The following PLSCR5 variants were observed in gnomAD, a reference collection of about 807,000 sequenced individuals.
PLSCR5 encodes phospholipid scramblase family, member 5.
PLSCR5 carries 44 observed loss-of-function variants against 33.6 expected under a neutral mutation model. That is an observed-to-expected ratio of 1.31 (90% CI 1.03 to 1.69). The LOEUF is 1.69. Among genes scored for constraint, PLSCR5 ranks in the 40% most tolerant of loss-of-function variants. The pLI, the probability that PLSCR5 is intolerant of heterozygous loss-of-function variation, is 0.00. For missense variants in PLSCR5, 375 were observed against 318.7 expected (o/e 1.18, Z -1.34); for synonymous variants, 148 against 112.3 (o/e 1.32, Z -2.01).
At chr3:146,605,176 T>A (rs779488655) in intron 1 of PLSCR5, 24 bp downstream of exon 1, 1 of 1,599,436 alleles carries the variant, frequency 6.3e-7, no homozygotes, top group South Asian at 1.1e-5. Flanking sequence ...GAAAAAGTTA[T>A]TAGTTGGTTA....
At chr3:146,592,428 T>G (rs1333406048) in intron 4 of PLSCR5, among the ~76,000 whole-genome samples, 1 of 152,160 alleles carries the variant, frequency 6.6e-6, no homozygotes, top group Non-Finnish European at 1.5e-5. Context: ...GCTTCCAAAG[T>G]GTTCGAGACT....
chr3:146,582,707 C>A (rs1342534946), downstream of PLSCR5, among the ~76,000 whole-genome samples: 1 of 152,064 alleles, frequency 6.6e-6, no homozygotes, highest in Admixed American at 6.6e-5. Flanking sequence ...CTCTATAAAT[C>A]TAATGAAAGG....
rs375086007 is a variant in PLSCR5, at chr3:146,593,944, G to A, written c.429C>T (p.Cys143=). ...TVNRPLRCNS[C]WCPCYLQELE... Reference sequence around the variant, plus strand: ...CCTCTTGTAGGTAGCAAGGGCACCAGCAGCTGTTACATCTCAAGGGCCTGT... The same window carrying A: ...CCTCTTGTAGGTAGCAAGGGCACCAACAGCTGTTACATCTCAAGGGCCTGT... Residue 143 remains cysteine (C), a synonymous_variant, in exon 4 of 8, where the codon TGC becomes TGT. Coordinates refer to ENST00000443512, the MANE Select transcript of PLSCR5 (RefSeq NM_001085420.2). 1 of 1,613,716 alleles carries A rather than the reference G, an allele frequency of 6.2e-7. No homozygotes were observed. The highest frequency in any genetic ancestry group is 8.5e-7 in the Non-Finnish European group (1 of 1,179,706).
chr3:146,582,428 C>T (rs163752), downstream of PLSCR5, among the ~76,000 whole-genome samples: 60,446 of 151,970 alleles, frequency 0.4, 12,173 homozygotes, highest in East Asian at 0.57. Flanking sequence ...AGTGGAGCTA[C>T]CAGAAATTTG....
rs574985154 is a variant in PLSCR5, at chr3:146,588,536, C to T, written c.777+1117G>A. Among the ~76,000 whole-genome samples the T allele has an allele frequency of 9.2e-4, 140 of 151,706 alleles. 1 individual carries two copies. The highest frequency in any genetic ancestry group is 4.0e-3 in the Admixed American group (61 of 15,226). Reference sequence around the variant, plus strand: ...ATGTCATGAGACTCAGGGAAATGCACATGCATGTGCACATGTTCATGCACA... The same window carrying T: ...ATGTCATGAGACTCAGGGAAATGCATATGCATGTGCACATGTTCATGCACA... On this transcript the variant is annotated intron_variant, in intron 6 of 7. Transcript: ENST00000443512.
intron 7 of PLSCR5, among the ~76,000 whole-genome samples, chr3:146,579,621 T>C (rs1036061329): frequency 6.6e-6 from 1 of 152,236 alleles, no homozygotes; most frequent in Admixed American, 6.5e-5. Context: ...CCAGATATTA[T>C]GGCTTCGGAA....
At chr3:146,595,362 A>G (rs1365137352) in intron 2 of PLSCR5, among the ~76,000 whole-genome samples, 1 of 152,230 alleles carries the variant, frequency 6.6e-6, no homozygotes, top group Non-Finnish European at 1.5e-5. Flanking sequence ...TCATGCCTAT[A>G]AATCCAGTAC....
chr3:146,594,467 T>C (rs1019751597), intron 3 of PLSCR5, among the ~76,000 whole-genome samples: 1 of 152,150 alleles, frequency 6.6e-6, no homozygotes, highest in Admixed American at 6.5e-5. Context: ...ATTATTGTTA[T>C]AGAACTATTG....
chr3:146,603,610 T>G (rs1482724683), intron 1 of PLSCR5, among the ~76,000 whole-genome samples: 2 of 152,146 alleles, frequency 1.3e-5, no homozygotes, highest in African/African-American at 4.8e-5. Flanking sequence ...CTTCAAAGAC[T>G]CAGACAACCA....
At chr3:146,600,886 A>G (rs1428005129) in intron 1 of PLSCR5, among the ~76,000 whole-genome samples, 1 of 148,498 alleles carries the variant, frequency 6.7e-6, no homozygotes, top group Non-Finnish European at 1.5e-5. Flanking sequence ...TATATATTAT[A>G]TAACTATATA....
At chr3:146,583,650 A>T (rs939195791), downstream of PLSCR5, among the ~76,000 whole-genome samples, 1 of 152,238 alleles carries the variant, frequency 6.6e-6, no homozygotes, top group Admixed American at 6.5e-5. Flanking sequence ...TTATTGTACT[A>T]TGCCAACTTG....
intron 5 of PLSCR5, 67 bp downstream of exon 5, chr3:146,591,653 A>T (rs2044715342): frequency 9.6e-6 from 14 of 1,451,346 alleles, no homozygotes; most frequent in Non-Finnish European, 1.2e-5. Flanking sequence ...AACATAAAAA[A>T]ATTGAATTAT....
At position 146,591,802 on chromosome 3, in the gene PLSCR5, A is replaced by C; in HGVS notation, c.533T>G (p.Ile178Ser). 6.2e-7 allele frequency: 1 copy of C among 1,612,314 alleles called. No homozygotes were observed. The highest frequency in any genetic ancestry group is 1.1e-5 in the South Asian group (1 of 90,812). ...AATATCTTCTTTGTTTGCATTTTGG[A>C]TTGTGAATTTAGGCAGAAAGGGGTC... is the stretch of plus-strand genomic sequence containing the variant. The part of the protein sequence containing the change: ...KWDPFLPKFT[I>S]QNANKEDILK... The change falls in exon 5 of 8, where the codon ATC (isoleucine) becomes AGC (serine). Residue 178 changes from isoleucine to serine, a missense_variant. Coordinates refer to ENST00000443512, the MANE Select transcript of PLSCR5 (RefSeq NM_001085420.2).
At chr3:146,588,327 C>G (rs1229192341) in intron 6 of PLSCR5, among the ~76,000 whole-genome samples, 1 of 151,876 alleles carries the variant, frequency 6.6e-6, no homozygotes, top group Non-Finnish European at 1.5e-5. Flanking sequence ...AAAAATTAGC[C>G]GGGTATGGTG....
chr3:146,587,812 T>C (rs981719148), intron 6 of PLSCR5, among the ~76,000 whole-genome samples: 1 of 152,096 alleles, frequency 6.6e-6, no homozygotes, highest in African/African-American at 2.4e-5. Flanking sequence ...GTTAAAATAA[T>C]TCCTCTGAAA....
At chr3:146,595,195 GCTTT>G (rs901143523) in intron 2 of PLSCR5, 112 bp from the exon 3 acceptor site, 72 of 502,064 alleles carry the variant, frequency 1.4e-4, no homozygotes, top group Non-Finnish European at 2.2e-4. Context: ...TGATTTTCAT[GCTTT>G]CTATTAGGAA....
intron 1 of PLSCR5, among the ~76,000 whole-genome samples, chr3:146,604,674 G>A (rs1315169789): frequency 1.3e-5 from 2 of 152,058 alleles, no homozygotes; most frequent in African/African-American, 2.4e-5. Context: ...CTGAATGCTT[G>A]ATGGGATGGA....
chr3:146,602,256 A>T (rs1420831613), intron 1 of PLSCR5, among the ~76,000 whole-genome samples: 1 of 152,154 alleles, frequency 6.6e-6, no homozygotes, highest in African/African-American at 2.4e-5. Flanking sequence ...AGACTATGTA[A>T]CACTATGTCA....
chr3:146,593,552 T>G (rs890041160), intron 4 of PLSCR5, among the ~76,000 whole-genome samples: 6 of 152,136 alleles, frequency 3.9e-5, no homozygotes, highest in African/African-American at 1.2e-4. Flanking sequence ...GAGTTTAATA[T>G]CACTTAGCAT....
Sources: allele counts gnomAD v4.1 joint callset (sites outside exome capture counted in the v4.1 genomes callset), GRCh38; gene constraint gnomAD v4.1.1; transcripts MANE v1.5; gene names NCBI Gene and HGNC (gene_info 2026-07-23, HGNC 2026-07-21).